TNIK: variants seen among roughly 807,000 people sequenced by gnomAD.
TNIK encodes TRAF2 and NCK interacting kinase.
Under a neutral mutation model 191.3 loss-of-function variants are expected in TNIK, and 49 were observed. That is an observed-to-expected ratio of 0.26 (90% CI 0.20 to 0.32). The LOEUF (loss-of-function observed/expected upper bound fraction) is 0.32. Ranked by LOEUF, TNIK falls within the 10% of genes least tolerant of loss-of-function variation. The probability of loss-of-function intolerance (pLI) is 1.00; values close to 1 mark genes in which losing one functional copy is unlikely to be tolerated. For missense variants in TNIK, 1,155 were observed against 1,702.3 expected, an observed-to-expected ratio of 0.68 and a Z score of 5.66; for synonymous variants, 594 against 600.9, an observed-to-expected ratio of 0.99 and a Z score of 0.17.
At chr3:171,150,294 A>G (rs906917393) in intron 12 of TNIK, among the ~76,000 whole-genome samples, 1 of 152,194 alleles carries the variant, frequency 6.6e-6, no homozygotes, top group Non-Finnish European at 1.5e-5. Flanking sequence ...ATTACATCCC[A>G]TTTTATAAAT....
In TNIK at chr3:171,087,366, G is replaced by A; in HGVS notation, c.2862C>T (p.Ser954=). The A allele has an allele frequency of 1.2e-6, 2 of 1,613,922 alleles. No individual in the cohort carries two copies. Among genetic ancestry groups the A allele is most frequent in the Non-Finnish European group, 1.7e-6 (2 of 1,179,892 alleles). Reference sequence around the variant, plus strand: ...CTTCAGTCCCAGAGTCCATCTCCTGGGAATGGGTTGAGACGCGCCCCAGTC... The same window carrying A: ...CTTCAGTCCCAGAGTCCATCTCCTGAGAATGGGTTGAGACGCGCCCCAGTC... ...TEGLGRVSTH[S]QEMDSGTEYG... The change falls in exon 24 of 33, where the codon TCC becomes TCT. Residue 954 remains serine (S), a synonymous_variant. Transcript: ENST00000436636.
chr3:171,348,362 A>G (rs931951514), intron 2 of TNIK, among the ~76,000 whole-genome samples: 3 of 152,192 alleles, frequency 2.0e-5, no homozygotes, highest in Non-Finnish European at 4.4e-5. Flanking sequence ...CTAAATTTTA[A>G]GGATATAACA....
chr3:171,175,152 C>T, intron 9 of TNIK, 100 bp downstream of exon 9: 1 of 1,127,908 alleles, frequency 8.9e-7, no homozygotes, highest in Non-Finnish European at 1.3e-6. Context: ...ACATGTTAGT[C>T]TCATTCTATC....
intron 2 of TNIK, among the ~76,000 whole-genome samples, chr3:171,300,080 C>G (rs541470025): frequency 6.6e-6 from 1 of 152,324 alleles, no homozygotes; most frequent in South Asian, 2.1e-4. Context: ...AGAAGTCTCA[C>G]AAAGATAAAT....
chr3:171,337,306 G>A (rs1428488796), intron 2 of TNIK, among the ~76,000 whole-genome samples: 2 of 152,236 alleles, frequency 1.3e-5, no homozygotes, highest in Non-Finnish European at 2.9e-5. Flanking sequence ...AGAATGGAGT[G>A]ATAGTCTGTG....
chr3:171,067,610 T>C (rs1037074161), intron 30 of TNIK, among the ~76,000 whole-genome samples: 3 of 148,556 alleles, frequency 2.0e-5, no homozygotes, highest in Middle Eastern at 3.2e-3. Flanking sequence ...AGGCGGAGCT[T>C]GCAGTGAGCC....
At chr3:171,160,164 T>A (rs573817022) in intron 11 of TNIK, among the ~76,000 whole-genome samples, 1 of 152,298 alleles carries the variant, frequency 6.6e-6, no homozygotes, top group East Asian at 1.9e-4. Flanking sequence ...ACGGCCAACA[T>A]GCTATGTATC....
intron 2 of TNIK, among the ~76,000 whole-genome samples, chr3:171,346,774 T>C (rs1160973955): frequency 6.6e-6 from 1 of 151,894 alleles, no homozygotes; most frequent in East Asian, 1.9e-4. Flanking sequence ...GCAAATTAGG[T>C]TTTCTGTGTA....
At chr3:171,302,000 T>A (rs6781150) in intron 2 of TNIK, among the ~76,000 whole-genome samples, 63,521 of 151,992 alleles carry the variant, frequency 0.42, 13,795 homozygotes, top group Non-Finnish European at 0.47. Context: ...AAACAATAAA[T>A]TGGCGAAATG....
intron 10 of TNIK, 127 bp downstream of exon 10, chr3:171,166,968 C>T: frequency 8.2e-7 from 1 of 1,215,344 alleles, no homozygotes; most frequent in Non-Finnish European, 1.1e-6. Context: ...GTCTCAGAGA[C>T]AGCCCCTCGC....
At chr3:171,164,361 G>A (rs996860300) in intron 10 of TNIK, among the ~76,000 whole-genome samples, 7 of 152,234 alleles carry the variant, frequency 4.6e-5, no homozygotes, top group African/African-American at 1.4e-4. Flanking sequence ...AGTACTCTGA[G>A]TAAGTGATGA....
intron 28 of TNIK, among the ~76,000 whole-genome samples, chr3:171,078,079 T>C (rs1207959854): frequency 6.6e-6 from 1 of 152,184 alleles, no homozygotes; most frequent in East Asian, 1.9e-4. Flanking sequence ...TATTTACTTA[T>C]ATTCTGACAG....
intron 2 of TNIK, among the ~76,000 whole-genome samples, chr3:171,297,086 T>C (rs1390439764): frequency 1.3e-5 from 2 of 152,188 alleles, no homozygotes; most frequent in African/African-American, 4.8e-5. Context: ...CCTAGGTATC[T>C]GGACACAGCT....
At chr3:171,452,729 A>ACACACACAC (rs1728318643) in intron 1 of TNIK, among the ~76,000 whole-genome samples, 1 of 142,548 alleles carries the variant, frequency 7.0e-6, no homozygotes, top group African/African-American at 2.6e-5. Flanking sequence ...ACACACTCCA[A>ACACACACAC]ACACACACAC....
At chr3:171,145,831 C>A (rs1452156120) in intron 12 of TNIK, among the ~76,000 whole-genome samples, 3 of 147,038 alleles carry the variant, frequency 2.0e-5, no homozygotes, top group Non-Finnish European at 4.4e-5. Context: ...TTTAGATAAG[C>A]AGAAAAGTAC....
intron 2 of TNIK, among the ~76,000 whole-genome samples, chr3:171,369,292 G>A (rs1009014059): frequency 1.3e-5 from 2 of 152,124 alleles, no homozygotes; most frequent in African/African-American, 4.8e-5. Flanking sequence ...GAAGTAGATG[G>A]CATTCTTTTC....
chr3:171,077,907 C>T (rs541854519), intron 28 of TNIK, among the ~76,000 whole-genome samples: 7 of 150,298 alleles, frequency 4.7e-5, no homozygotes, highest in South Asian at 4.2e-4. Flanking sequence ...ATATATATCT[C>T]CTTAACCCTT....
chr3:171,439,280 C>G (rs923050785), intron 1 of TNIK, among the ~76,000 whole-genome samples: 2 of 150,836 alleles, frequency 1.3e-5, no homozygotes, highest in African/African-American at 2.5e-5. Context: ...GGAGGCGGAG[C>G]TTGCAGTGAG....
At chr3:171,346,919 A>C in intron 2 of TNIK, 2 of 449,164 alleles carry the variant, frequency 4.5e-6, no homozygotes, top group South Asian at 4.1e-5. Flanking sequence ...AAAGGTTTTA[A>C]ACAGGAGAGA....
Sources: allele counts gnomAD v4.1 joint callset (sites outside exome capture counted in the v4.1 genomes callset), GRCh38; gene constraint gnomAD v4.1.1; transcripts MANE v1.5; gene names NCBI Gene and HGNC (gene_info 2026-07-23, HGNC 2026-07-21).